Variants in AK9 observed in about 807,000 individuals in gnomAD.
AK9 encodes adenylate kinase 9.
A neutral mutation model predicts 239.6 loss-of-function variants in AK9; 191 were observed. That is an observed-to-expected ratio of 0.80 (90% CI 0.71 to 0.90). The LOEUF (loss-of-function observed/expected upper bound fraction) is 0.90. Among genes scored for constraint, AK9 ranks in the 40% least tolerant of loss-of-function variants. The pLI, the probability that AK9 is intolerant of heterozygous loss-of-function variation, is 0.00. For synonymous variants in AK9, 689 were observed against 721.0 expected, an observed-to-expected ratio of 0.96 and a Z score of 0.71; for missense variants, 1,995 against 2,214.7, an observed-to-expected ratio of 0.90 and a Z score of 1.99.
chr6:109,603,643 T>C (rs1792402850), intron 17 of AK9, among the ~76,000 whole-genome samples: 1 of 152,188 alleles, frequency 6.6e-6, no homozygotes, highest in Non-Finnish European at 1.5e-5. Context: ...CTGCTGCCTT[T>C]TGTTTGGCTA....
chr6:109,621,914 A>AC (rs1794886161), intron 12 of AK9, among the ~76,000 whole-genome samples: 1 of 38,644 alleles, frequency 2.6e-5, no homozygotes, highest in African/African-American at 7.0e-5. Flanking sequence ...AAAAAAAAAC[A>AC]AAAAAAAAAC....
rs1214122139 is a variant in AK9, at chr6:109,493,340, G to C, written c.*29C>G. On this transcript the variant is annotated 3_prime_UTR_variant, in exon 41 of 41. Coordinates refer to ENST00000424296, the MANE Select transcript of AK9 (RefSeq NM_001145128.3). ...CCTCTATCACTTTCAGATAACTCTT[G>C]AGATTCAGGCTGCTATCACCTAAGT... The C allele has an allele frequency of 2.6e-5, 41 of 1,591,242 alleles. No homozygotes were observed. Among genetic ancestry groups the C allele is most frequent in the Admixed American group, 6.7e-5 (4 of 59,426 alleles).
chr6:109,586,906 A>T (rs1289860952), intron 17 of AK9, among the ~76,000 whole-genome samples: 1 of 152,120 alleles, frequency 6.6e-6, no homozygotes, highest in Non-Finnish European at 1.5e-5. Flanking sequence ...TTACAAGTCA[A>T]AGGGGAAGAG....
chr6:109,614,160 G>A (rs749011147), intron 15 of AK9, 23 bp downstream of exon 15: 5 of 1,511,250 alleles, frequency 3.3e-6, no homozygotes, highest in African/African-American at 2.8e-5. Flanking sequence ...CACAAACGTG[G>A]GATTAGCAGT....
At chr6:109,651,421 G>A (rs755671959) in intron 8 of AK9, among the ~76,000 whole-genome samples, 15 of 152,138 alleles carry the variant, frequency 9.9e-5, no homozygotes, top group Non-Finnish European at 1.9e-4. Context: ...TCAAAGCAGT[G>A]TTTAGAGGGA....
chr6:109,647,466 C>T (rs1481190435), intron 8 of AK9, among the ~76,000 whole-genome samples: 1 of 152,002 alleles, frequency 6.6e-6, no homozygotes, highest in African/African-American at 2.4e-5. Context: ...AGACTTGAAA[C>T]CAACAAAGAT....
chr6:109,625,021 CTCTTTTTGTTTT>C lies in AK9; in HGVS notation c.1255-5797_1255-5786del, dbSNP rs1562511498. Among the ~76,000 whole-genome samples the C allele has an allele frequency of 4.6e-5, 7 of 151,774 alleles. No homozygotes were observed. The East Asian group carries it at 1.4e-3, about 29-fold the overall frequency. On this transcript the variant is annotated intron_variant, in intron 12 of 40. Transcript: ENST00000424296. ...TTGCATATATTTTAATTTCAAAGGA[CTCTTTTTGTTTT>C]CCAAATGTTCCCTTTTCTGTTTCTA...
At chr6:109,628,327 C>T (rs1224430787) in intron 12 of AK9, among the ~76,000 whole-genome samples, 1 of 152,224 alleles carries the variant, frequency 6.6e-6, no homozygotes, top group African/African-American at 2.4e-5. Flanking sequence ...TCCCACCCTA[C>T]TCACAAGCAG....
At chr6:109,669,700 C>G (rs1801795881) in intron 5 of AK9, among the ~76,000 whole-genome samples, 1 of 152,182 alleles carries the variant, frequency 6.6e-6, no homozygotes, top group Non-Finnish European at 1.5e-5. Context: ...CTTCTACCTT[C>G]TACCAGGCTA....
rs1403576376 is a variant in AK9 at position 109,535,357 on chromosome 6, T to C, written c.3351-1887A>G. Among the ~76,000 whole-genome samples the C allele has an allele frequency of 3.3e-5, 5 of 152,336 alleles. No individual in the cohort carries two copies. In the East Asian group the frequency reaches 9.6e-4, roughly 29 times the overall value. ...TGATCTGCATTTCTCTGACGGTCAG[T>C]GATGATGAGCATTTTTTCATGTGTT... On this transcript the variant is annotated intron_variant, in intron 27 of 40. Coordinates refer to ENST00000424296, the MANE Select transcript of AK9 (RefSeq NM_001145128.3).
intron 39 of AK9, 89 bp from the exon 40 acceptor site, chr6:109,494,184 C>A: frequency 3.3e-6 from 3 of 899,212 alleles, no homozygotes; most frequent in South Asian, 1.8e-5. Flanking sequence ...AATATTATTT[C>A]TTTGCCTCAA....
chr6:109,657,917 A>C (rs7764783), intron 7 of AK9, among the ~76,000 whole-genome samples: 88,605 of 152,018 alleles, frequency 0.58, 27,504 homozygotes, highest in East Asian at 0.84. Context: ...GCTAATTATT[A>C]ATTCTTTCCC....
intron 17 of AK9, among the ~76,000 whole-genome samples, chr6:109,590,923 C>T (rs1003739399): frequency 5.3e-5 from 8 of 152,066 alleles, no homozygotes; most frequent in African/African-American, 1.9e-4. Context: ...TTTTTTGAGA[C>T]TTGCCTTGTG....
intron 28 of AK9, 90 bp downstream of exon 28, chr6:109,533,161 A>G (rs1781503875): frequency 1.6e-5 from 15 of 941,362 alleles, no homozygotes; most frequent in Non-Finnish European, 2.2e-5. Context: ...TAAAATTAGA[A>G]TACTATATTT....
chr6:109,532,192 C>T (rs576492351), intron 28 of AK9, among the ~76,000 whole-genome samples: 35 of 152,294 alleles, frequency 2.3e-4, no homozygotes, highest in African/African-American at 8.2e-4. Context: ...GCCAAATGTT[C>T]GCCTAGTTTA....
chr6:109,499,221 G>A lies in AK9; in HGVS notation c.4869C>T (p.Asp1623=), dbSNP rs1349499929. ...RIKAGKAACI[D]KLCITPQELL... Reference sequence around the variant, plus strand: ...GCTCTTGAGGTGTGATACATAACTTGTCAATGCAGGCAGCTTTTCCTATTA... The same window carrying A: ...GCTCTTGAGGTGTGATACATAACTTATCAATGCAGGCAGCTTTTCCTATTA... The change falls in exon 36 of 41, where the codon GAC becomes GAT. Residue 1623 remains aspartate (D), a synonymous_variant. Coordinates refer to ENST00000424296, the MANE Select transcript of AK9 (RefSeq NM_001145128.3). The A allele has an allele frequency of 2.6e-6, 4 of 1,527,420 alleles. No homozygotes were observed. In the African/African-American group the frequency reaches 5.6e-5, roughly 21 times the overall value. 94.6% of individuals were successfully genotyped at this position (1,527,420 alleles called of 1,614,324 possible).
At position 109,517,659 on chromosome 6, in the gene AK9, C is replaced by A. The variant is rs1310352905; in HGVS notation, c.3634-1017G>T. ...GTTACCTATTATTATGCTCTTATAG[C>A]TATTATTGTCACTTTGTGTAAAGCA... On this transcript the variant is annotated intron_variant, in intron 29 of 40. Coordinates refer to ENST00000424296, the MANE Select transcript of AK9 (RefSeq NM_001145128.3). Among the ~76,000 whole-genome samples, 5 of 152,100 alleles carry A rather than the reference C, an allele frequency of 3.3e-5. No homozygotes were observed. In the East Asian group the frequency reaches 9.6e-4, roughly 29 times the overall value.
chr6:109,619,100 C>T lies in AK9; in HGVS notation c.1391G>A (p.Arg464Lys). ...KEKLLRELQA[R>K]KQAETALREF... ...TTAAAAAGATGTTTCACCTTGTTTT[C>T]TAGCTTGCAGTTCCCTGAGAAGCTT... is the stretch of plus-strand genomic sequence containing the variant. Residue 464 changes from arginine to lysine, a missense_variant, in exon 13 of 41, where the codon AGA (arginine) becomes AAA (lysine). By Grantham distance (26) the Arg-to-Lys change is conservative. This residue lies in a region of AK9 where 1,290 missense variants were observed against 1,392.7 expected (regional missense o/e 0.93). Coordinates refer to ENST00000424296, the MANE Select transcript of AK9 (RefSeq NM_001145128.3). 1 of 1,536,502 alleles carries T rather than the reference C, an allele frequency of 6.5e-7. No individual in the cohort carries two copies. The highest frequency in any genetic ancestry group is 8.8e-7 in the Non-Finnish European group (1 of 1,142,576).
chr6:109,644,603 A>G lies in AK9; in HGVS notation c.834+11T>C, dbSNP rs751218110. 1 of 1,604,224 alleles carries G rather than the reference A, an allele frequency of 6.2e-7. No individual in the cohort carries two copies. The highest frequency in any genetic ancestry group is 8.5e-7 in the Non-Finnish European group (1 of 1,175,530). On this transcript the variant is annotated intron_variant, in intron 9 of 40. Transcript: ENST00000424296. ...ATGCTGTGAAGTATTCCTGCTTAAC[A>G]CTGCACTCACCATAAAGAGCTCCTC... is the stretch of plus-strand genomic sequence containing the variant.
Sources: gnomAD v4.1 joint callset for allele counts (sites outside exome capture counted in the v4.1 genomes callset) on GRCh38, gnomAD v4.1.1 for gene constraint, gnomAD v4.1.1 regional missense constraint, MANE v1.5 for transcripts, NCBI Gene and HGNC (gene_info 2026-07-23, HGNC 2026-07-21) for gene names.